Variants in TBC1D22B observed in about 807,000 individuals in gnomAD.
TBC1D22B encodes TBC1 domain family member 22B.
In TBC1D22B, 32 loss-of-function variants were observed where a neutral mutation model predicts 69.1. The ratio of observed to expected loss-of-function variants is 0.46; its 90% CI spans 0.35 to 0.62. TBC1D22B has a LOEUF of 0.62. TBC1D22B is among the 20% of genes least tolerant of loss of function. The pLI is 0.00. For synonymous variants in TBC1D22B, 206 were observed against 229.8 expected (o/e 0.90, Z 0.94); for missense variants, 462 against 630.9 (o/e 0.73, Z 2.87).
intron 1 of TBC1D22B, 124 bp downstream of exon 1, chr6:37,258,097 C>T: frequency 1.8e-6 from 2 of 1,110,210 alleles, no homozygotes; most frequent in Non-Finnish European, 1.3e-6. Flanking sequence ...GCTGGGACTG[C>T]CTGGTGGCGG....
intron 2 of TBC1D22B, among the ~76,000 whole-genome samples, chr6:37,277,684 T>C (rs549543315): frequency 6.6e-6 from 1 of 152,116 alleles, no homozygotes; most frequent in Admixed American, 6.5e-5. Context: ...GCCAGGCTGA[T>C]CTCAAACTCC....
At chr6:37,279,233 C>T (rs1766751307) in intron 2 of TBC1D22B, 71 bp from the exon 3 acceptor site, 6 of 1,369,058 alleles carry the variant, frequency 4.4e-6, no homozygotes, top group Middle Eastern at 1.9e-4. Flanking sequence ...ATTAATATTA[C>T]AATAATAAGC....
chr6:37,293,081 A>ATTT (rs201611923), intron 8 of TBC1D22B, among the ~76,000 whole-genome samples: 4 of 143,864 alleles, frequency 2.8e-5, no homozygotes, highest in African/African-American at 8.5e-5. Flanking sequence ...TATTATTATT[A>ATTT]TTATTTTTTT....
intron 8 of TBC1D22B, among the ~76,000 whole-genome samples, chr6:37,312,239 C>T (rs2113779933): frequency 6.6e-6 from 1 of 152,314 alleles, no homozygotes; most frequent in East Asian, 1.9e-4. Flanking sequence ...ATGGGGATAT[C>T]TAATGCAACA....
chr6:37,308,723 G>T (rs1036932473), intron 8 of TBC1D22B, among the ~76,000 whole-genome samples: 1 of 152,178 alleles, frequency 6.6e-6, no homozygotes, highest in East Asian at 1.9e-4. Context: ...CAGAAGTAGA[G>T]AACTTTTAAA....
At chr6:37,308,434 G>T (rs758165255) in intron 8 of TBC1D22B, among the ~76,000 whole-genome samples, 1 of 152,168 alleles carries the variant, frequency 6.6e-6, no homozygotes, top group Non-Finnish European at 1.5e-5. Flanking sequence ...CTAAATGTTT[G>T]AATTTTATCC....
chr6:37,303,755 C>T (rs1006339396), intron 8 of TBC1D22B, among the ~76,000 whole-genome samples: 4 of 152,208 alleles, frequency 2.6e-5, no homozygotes, highest in African/African-American at 4.8e-5. Context: ...CTCTTTATCT[C>T]CTGAGCTAAT....
At chr6:37,276,908 A>G (rs1766688118) in intron 2 of TBC1D22B, among the ~76,000 whole-genome samples, 2 of 152,134 alleles carry the variant, frequency 1.3e-5, no homozygotes, top group African/African-American at 4.8e-5. Flanking sequence ...ACAAAAATAT[A>G]TATATATATA....
intron 10 of TBC1D22B, 109 bp downstream of exon 10, chr6:37,314,000 T>C: frequency 2.0e-6 from 2 of 981,786 alleles, no homozygotes; most frequent in South Asian, 2.6e-5. Context: ...CATGACCCTT[T>C]CCAGCGCACT....
chr6:37,282,067 G>A (rs934013692), intron 3 of TBC1D22B, 118 bp from the exon 4 acceptor site: 3 of 1,164,542 alleles, frequency 2.6e-6, no homozygotes, highest in Non-Finnish European at 3.8e-6. Context: ...CTCAGACAGT[G>A]CACACAGGCA....
At chr6:37,320,538 A>G (rs1768210103) in intron 12 of TBC1D22B, among the ~76,000 whole-genome samples, 1 of 152,082 alleles carries the variant, frequency 6.6e-6, no homozygotes, top group South Asian at 2.1e-4. Context: ...AGCTTTAAAA[A>G]CCCACTTTTC....
intron 1 of TBC1D22B, among the ~76,000 whole-genome samples, chr6:37,259,722 G>C (rs1462818227): frequency 6.6e-6 from 1 of 152,164 alleles, no homozygotes; most frequent in Admixed American, 6.5e-5. Flanking sequence ...AGTTCAGAAA[G>C]ACTTGGGTTA....
In TBC1D22B at chr6:37,316,979, T is replaced by C. The variant is rs1768103284; in HGVS notation, c.1294-132T>C. 5 of 1,488,962 alleles carry C rather than the reference T, an allele frequency of 3.4e-6. No homozygotes were observed. The Admixed American group carries it at 9.7e-5, about 29-fold the overall frequency. The allele number at this position is 1,488,962 out of a possible 1,614,324, so 92.2% of individuals were successfully genotyped here. On this transcript the variant is annotated intron_variant, in intron 11 of 12. Transcript: ENST00000373491. ...TTTAGCCTCAGGGCAGGGCCTTTGC[T>C]AAGTCTCTTCAGAACTCCATCTCCC...
At chr6:37,306,379 A>AG (rs1255388188) in intron 8 of TBC1D22B, among the ~76,000 whole-genome samples, 1 of 152,198 alleles carries the variant, frequency 6.6e-6, no homozygotes, top group Admixed American at 6.5e-5. Flanking sequence ...AACAGCTGAC[A>AG]CTGGCAGTGG....
chr6:37,283,779 A>G (rs1238427706), intron 5 of TBC1D22B, among the ~76,000 whole-genome samples: 1 of 152,232 alleles, frequency 6.6e-6, no homozygotes, highest in Non-Finnish European at 1.5e-5. Flanking sequence ...AGCTTTGGCT[A>G]GGCCGGGGGC....
rs879069650 is a variant in TBC1D22B, at chr6:37,316,788, G to A, written c.1251G>A (p.Glu417=). 14 of 1,614,120 alleles carry A rather than the reference G, an allele frequency of 8.7e-6. No individual in the cohort carries two copies. The Admixed American group carries it at 2.2e-4, about 25-fold the overall frequency. Residue 417 remains glutamate (E), a synonymous_variant, in exon 11 of 13, where the codon GAG becomes GAA. Transcript: ENST00000373491. ...GGATGAACAACCTGCTTATGCGGGA[G>A]CTTCCTCTTCGCTGCACCATCCGCC... ...FRWMNNLLMR[E]LPLRCTIRLW...
At chr6:37,328,219 C>T (rs956872487) in intron 12 of TBC1D22B, among the ~76,000 whole-genome samples, 8 of 152,034 alleles carry the variant, frequency 5.3e-5, no homozygotes, top group African/African-American at 1.2e-4. Flanking sequence ...GCAGGAGAAT[C>T]GCTTGAACCT....
intron 12 of TBC1D22B, among the ~76,000 whole-genome samples, chr6:37,325,110 T>G (rs1768354256): frequency 6.6e-6 from 1 of 152,216 alleles, no homozygotes; most frequent in Non-Finnish European, 1.5e-5. Flanking sequence ...CTTTCCCTTT[T>G]CAAAGTCTCT....
intron 8 of TBC1D22B, among the ~76,000 whole-genome samples, chr6:37,293,082 T>C (rs1038480623): frequency 6.9e-6 from 1 of 144,752 alleles, no homozygotes; most frequent in Non-Finnish European, 1.5e-5. Flanking sequence ...ATTATTATTA[T>C]TATTTTTTTT....
Sources: allele counts gnomAD v4.1 joint callset (sites outside exome capture counted in the v4.1 genomes callset), GRCh38; gene constraint gnomAD v4.1.1; transcripts MANE v1.5; gene names NCBI Gene and HGNC (gene_info 2026-07-23, HGNC 2026-07-21).